ADGRL3: variants seen among roughly 807,000 people sequenced by gnomAD.
ADGRL3 encodes calcium-independent alpha-latrotoxin receptor 3.
In ADGRL3, 62 loss-of-function variants were observed where a neutral mutation model predicts 153.5. The observed-to-expected ratio is 0.40, with a 90% CI of 0.33 to 0.50. The LOEUF (loss-of-function observed/expected upper bound fraction) is 0.50. Among genes scored for constraint, ADGRL3 ranks in the 20% least tolerant of loss-of-function variants. The pLI is 0.47. For synonymous variants in ADGRL3, 710 were observed against 672.5 expected (o/e 1.06, Z -0.86); for missense variants, 1,641 against 1,859.4 (o/e 0.88, Z 2.16).
intron 1 of ADGRL3, among the ~76,000 whole-genome samples, chr4:61,221,216 A>G (rs1745331736): frequency 1.3e-5 from 2 of 152,198 alleles, no homozygotes; most frequent in African/African-American, 4.8e-5. Flanking sequence ...AACATTTAGC[A>G]AATGTATTGG....
intron 2 of ADGRL3, among the ~76,000 whole-genome samples, chr4:61,452,556 G>A (rs886847002): frequency 6.6e-6 from 1 of 152,170 alleles, no homozygotes; most frequent in East Asian, 1.9e-4. Context: ...GTGGTAATGT[G>A]TGAGAAACTT....
At chr4:61,906,980 A>G (rs2098698826) in intron 11 of ADGRL3, among the ~76,000 whole-genome samples, 1 of 152,004 alleles carries the variant, frequency 6.6e-6, no homozygotes, top group South Asian at 2.1e-4. Flanking sequence ...TTATGTTCCC[A>G]TGTTCTGTGT....
At chr4:61,659,993 T>A (rs935736601) in intron 5 of ADGRL3, among the ~76,000 whole-genome samples, 1 of 151,184 alleles carries the variant, frequency 6.6e-6, no homozygotes, top group Non-Finnish European at 1.5e-5. Flanking sequence ...TGATTGGATA[T>A]TGGGGGGACA....
At chr4:61,675,896 A>C (rs2095174577) in intron 5 of ADGRL3, among the ~76,000 whole-genome samples, 1 of 151,750 alleles carries the variant, frequency 6.6e-6, no homozygotes, top group African/African-American at 2.4e-5. Context: ...ACTAGGGCTT[A>C]TTCATTCTTT....
intron 2 of ADGRL3, among the ~76,000 whole-genome samples, chr4:61,413,252 T>C (rs1386935492): frequency 6.6e-6 from 1 of 152,170 alleles, no homozygotes; most frequent in Admixed American, 6.5e-5. Flanking sequence ...AGTGCCTTGT[T>C]ACCCTGTGTG....
At chr4:61,229,600 G>A (rs1749657962) in intron 1 of ADGRL3, among the ~76,000 whole-genome samples, 1 of 151,878 alleles carries the variant, frequency 6.6e-6, no homozygotes, top group Non-Finnish European at 1.5e-5. Context: ...AAAGAAGTCA[G>A]GCTAATATTA....
intron 1 of ADGRL3, among the ~76,000 whole-genome samples, chr4:61,364,270 T>A (rs527904141): frequency 6.6e-6 from 1 of 150,960 alleles, no homozygotes; most frequent in South Asian, 2.1e-4. Context: ...CAGGCAGAGA[T>A]TGCAGTGAGC....
chr4:61,876,282 A>AGT (rs1561400917), intron 9 of ADGRL3, among the ~76,000 whole-genome samples: 1 of 57,772 alleles, frequency 1.7e-5, no homozygotes, highest in Admixed American at 2.2e-4. Flanking sequence ...TATTTTATCC[A>AGT]ATTTTGTTTT....
intron 1 of ADGRL3, among the ~76,000 whole-genome samples, chr4:61,364,481 C>T (rs1304670343): frequency 6.6e-6 from 1 of 151,946 alleles, no homozygotes; most frequent in African/African-American, 2.4e-5. Context: ...TACTTCTTCA[C>T]TGCTTTCATT....
At chr4:61,969,723 A>G (rs549765558) in intron 17 of ADGRL3, among the ~76,000 whole-genome samples, 1 of 152,288 alleles carries the variant, frequency 6.6e-6, no homozygotes, top group Non-Finnish European at 1.5e-5. Flanking sequence ...AAGTCACAGA[A>G]TCTAGAGTAA....
Position 61,202,552 on chromosome 4 carries a change from C to G in ADGRL3, c.-240+787C>G, listed in dbSNP as rs1414226482. ...GCACGAATCCGGGCGGCCGCGGCGC[C>G]GGGGCGGGGTGGGCAGAGCATTGGT... On this transcript the variant is annotated intron_variant, in intron 1 of 26. Transcript: ENST00000683033. This position sits in a 1 kb window ranked among gnomAD's most constrained non-coding sequence, Gnocchi z 5.0. 6.6e-6 allele frequency among the ~76,000 whole-genome samples: 1 copy of G among 151,314 alleles called. No homozygotes were observed. The highest frequency in any genetic ancestry group is 2.4e-5 in the African/African-American group (1 of 41,152).
At chr4:61,908,608 C>CAA (rs5858741) in intron 11 of ADGRL3, among the ~76,000 whole-genome samples, 1,438 of 89,640 alleles carry the variant, frequency 0.016, 29 homozygotes, top group African/African-American at 0.06. Context: ...AACAACGCCT[C>CAA]AAAAAAAAAA....
intron 4 of ADGRL3, among the ~76,000 whole-genome samples, chr4:61,554,169 GTATTT>G (rs71211394): frequency 1.8e-4 from 25 of 138,826 alleles, no homozygotes; most frequent in East Asian, 4.5e-4. Context: ...CCTAACTTAG[GTATTT>G]TATTTTATTT....
At chr4:61,498,276 C>T (rs541611379) in intron 3 of ADGRL3, among the ~76,000 whole-genome samples, 1 of 152,214 alleles carries the variant, frequency 6.6e-6, no homozygotes, top group Non-Finnish European at 1.5e-5. Flanking sequence ...AACGGCTGGG[C>T]ACCATGGTTC....
chr4:61,677,426 T>C (rs1035667319), intron 6 of ADGRL3: 1 of 409,096 alleles, frequency 2.4e-6, no homozygotes, highest in Non-Finnish European at 4.7e-6. Context: ...TTAAAAGAAC[T>C]TGAAGTACTC....
At chr4:61,528,723 G>A (rs73822620) in intron 4 of ADGRL3, among the ~76,000 whole-genome samples, 2,400 of 152,256 alleles carry the variant, frequency 0.016, 79 homozygotes, top group African/African-American at 0.055. Context: ...AGGAATCCAT[G>A]AGGTGGAAGG....
chr4:62,020,151 G>A (rs2099231270), intron 21 of ADGRL3, among the ~76,000 whole-genome samples: 1 of 151,968 alleles, frequency 6.6e-6, no homozygotes, highest in Admixed American at 6.6e-5. Flanking sequence ...GTTGGAAGTT[G>A]GTGAAAAGAG....
intron 1 of ADGRL3, among the ~76,000 whole-genome samples, chr4:61,277,714 T>C (rs1323110087): frequency 6.6e-6 from 1 of 152,164 alleles, no homozygotes; most frequent in Non-Finnish European, 1.5e-5. Flanking sequence ...CTCTTTCATT[T>C]ATAAAAATAG....
intron 24 of ADGRL3, among the ~76,000 whole-genome samples, chr4:62,040,166 A>G (rs1727426023): frequency 6.6e-6 from 1 of 152,118 alleles, no homozygotes; most frequent in African/African-American, 2.4e-5. Context: ...TAAGTTGCTA[A>G]GAAGATTGAA....
Sources: gnomAD v4.1 joint callset for allele counts (sites outside exome capture counted in the v4.1 genomes callset) on GRCh38, gnomAD v4.1.1 for gene constraint, Gnocchi (gnomAD v3.1) non-coding constraint, MANE v1.5 for transcripts, NCBI Gene and HGNC (gene_info 2026-07-23, HGNC 2026-07-21) for gene names.